EPS15: variants seen among roughly 807,000 people sequenced by gnomAD.
The protein encoded by EPS15 is epidermal growth factor receptor substrate 15.
A neutral mutation model predicts 113.8 loss-of-function variants in EPS15; 72 were observed. The ratio of observed to expected loss-of-function variants is 0.63; its 90% confidence interval spans 0.52 to 0.77. EPS15 has a LOEUF of 0.77. Ranked by LOEUF, EPS15 falls within the 30% of genes least tolerant of loss-of-function variation. The pLI is 0.00. For synonymous variants in EPS15, 344 were observed against 363.4 expected (o/e 0.95, Z 0.61); for missense variants, 1,048 against 1,045.8 (o/e 1.00, Z -0.03).
At chr1:51,448,313 GAA>G (rs892764535) in intron 8 of EPS15, among the ~76,000 whole-genome samples, 178 bp from the exon 9 acceptor site, 7 of 151,870 alleles carry the variant, frequency 4.6e-5, no homozygotes, top group Admixed American at 2.6e-4. Flanking sequence ...GAAAAAGAAA[GAA>G]ATAAAAACTA....
At chr1:51,446,445 C>T (rs1653052950) in intron 10 of EPS15, among the ~76,000 whole-genome samples, 1 of 149,670 alleles carries the variant, frequency 6.7e-6, no homozygotes, top group Non-Finnish European at 1.5e-5. Context: ...TTAACTGACA[C>T]TGTCATTCTT....
At chr1:51,453,416 T>C (rs1653734052) in intron 8 of EPS15, among the ~76,000 whole-genome samples, 1 of 152,320 alleles carries the variant, frequency 6.6e-6, no homozygotes, top group African/African-American at 2.4e-5. Context: ...GTGAACAGAA[T>C]ACTTTTAATA....
At chr1:51,456,385 G>A (rs920724068) in intron 8 of EPS15, among the ~76,000 whole-genome samples, 1 of 151,928 alleles carries the variant, frequency 6.6e-6, no homozygotes, top group African/African-American at 2.4e-5. Context: ...CAAACAAAAA[G>A]CATTTAACCC....
intron 1 of EPS15, among the ~76,000 whole-genome samples, chr1:51,492,464 G>A (rs1013877305): frequency 6.6e-6 from 1 of 151,998 alleles, no homozygotes; most frequent in Admixed American, 6.6e-5. Context: ...AAGAAGAAAG[G>A]GACTTTAGAA....
At chr1:51,388,295 A>C (rs568615140) in intron 21 of EPS15, among the ~76,000 whole-genome samples, 5 of 152,354 alleles carry the variant, frequency 3.3e-5, no homozygotes, top group African/African-American at 1.2e-4. Flanking sequence ...ACAACATACC[A>C]GAATCTCTGG....
chr1:51,498,034 T>C (rs1644355196), intron 1 of EPS15, among the ~76,000 whole-genome samples: 1 of 151,244 alleles, frequency 6.6e-6, no homozygotes, highest in African/African-American at 2.4e-5. Context: ...ATTCAAATAA[T>C]GACATACAGA....
At chr1:51,484,999 T>C (rs1644094501) in intron 1 of EPS15, among the ~76,000 whole-genome samples, 1 of 152,236 alleles carries the variant, frequency 6.6e-6, no homozygotes, top group Admixed American at 6.5e-5. Flanking sequence ...TATTATTTCA[T>C]AAGCCTTTTC....
At chr1:51,368,151 A>T (rs1284262464) in intron 21 of EPS15, among the ~76,000 whole-genome samples, 7 of 152,172 alleles carry the variant, frequency 4.6e-5, no homozygotes, top group African/African-American at 1.7e-4. Context: ...AAAATAAAAT[A>T]AAAAAAGAAA....
intron 21 of EPS15, chr1:51,382,545 A>T (rs554201794): frequency 5.3e-5 from 8 of 150,024 alleles, no homozygotes; most frequent in African/African-American, 2.0e-4. Flanking sequence ...CAGTCTCCTG[A>T]GTAGCTGGGA....
chr1:51,464,931 C>A lies in EPS15; in HGVS notation c.375+330G>T, dbSNP rs190190546. ...CATAAAGAATTGTTTGTTTTAGAGT[C>A]ATCTAGAAAATACATAGTTAACCAG... On this transcript the variant is annotated intron_variant, in intron 6 of 24. Coordinates refer to ENST00000371733, the MANE Select transcript of EPS15 (RefSeq NM_001981.3). 6.0e-4 allele frequency among the ~76,000 whole-genome samples: 91 copies of A among 152,284 alleles called. 1 individual carries two copies. The highest frequency in any genetic ancestry group is 2.0e-3 in the African/African-American group (83 of 41,566).
intron 21 of EPS15, among the ~76,000 whole-genome samples, chr1:51,375,981 A>T (rs1424445379): frequency 6.6e-6 from 1 of 152,390 alleles, no homozygotes; most frequent in East Asian, 1.9e-4. Flanking sequence ...AAGTTGCAGC[A>T]AGTTATCCAG....
rs368287079 is a variant in EPS15, at chr1:51,399,193, G to C, written c.1919-28C>G. 4.1e-5 allele frequency: 65 copies of C among 1,595,482 alleles called. 1 individual carries two copies. The highest frequency in any genetic ancestry group is 2.0e-4 in the Admixed American group (11 of 55,926). On this transcript the variant is annotated intron_variant, in intron 19 of 24. Transcript: ENST00000371733. ...AAAAAAATAAGGCACGAATATAAGA[G>C]ACAAAAAAAAATTATTGCACTAAAT...
chr1:51,449,438 A>C (rs1653349556), intron 8 of EPS15, among the ~76,000 whole-genome samples: 1 of 152,138 alleles, frequency 6.6e-6, no homozygotes, highest in African/African-American at 2.4e-5. Flanking sequence ...GGCCAATGTG[A>C]GGGTGGAGGG....
At chr1:51,488,058 ATTC>A (rs1054708674) in intron 1 of EPS15, among the ~76,000 whole-genome samples, 2 of 152,252 alleles carry the variant, frequency 1.3e-5, no homozygotes, top group African/African-American at 4.8e-5. Flanking sequence ...TGATTTTTAC[ATTC>A]TTCTTCATAC....
intron 12 of EPS15, chr1:51,423,530 C>A (rs72696107): frequency 0.022 from 22,148 of 985,304 alleles, 296 homozygotes; most frequent in African/African-American, 0.051. Context: ...ACCCTCCCCC[C>A]ATCCCAAATC....
chr1:51,476,874 T>G (rs1319018372), intron 2 of EPS15, among the ~76,000 whole-genome samples: 1 of 152,212 alleles, frequency 6.6e-6, no homozygotes, highest in African/African-American at 2.4e-5. Flanking sequence ...TATTGAGGAT[T>G]TTTGCATGGA....
At chr1:51,385,023 T>C (rs532661700) in intron 21 of EPS15, among the ~76,000 whole-genome samples, 1 of 152,312 alleles carries the variant, frequency 6.6e-6, no homozygotes, top group Non-Finnish European at 1.5e-5. Flanking sequence ...ATATTGGATT[T>C]AGCAACGCTT....
chr1:51,457,243 C>T (rs541378217), intron 8 of EPS15, among the ~76,000 whole-genome samples: 8 of 151,836 alleles, frequency 5.3e-5, no homozygotes, highest in African/African-American at 9.7e-5. Flanking sequence ...GCTGAGATCG[C>T]GCCACTGCAC....
At chr1:51,517,355 G>T (rs1644740706) in intron 1 of EPS15, among the ~76,000 whole-genome samples, 2 of 152,130 alleles carry the variant, frequency 1.3e-5, no homozygotes, top group South Asian at 4.1e-4. Flanking sequence ...TATAACCCAA[G>T]AACATATGTA....
Sources: allele counts gnomAD v4.1 joint callset (sites outside exome capture counted in the v4.1 genomes callset), GRCh38; gene constraint gnomAD v4.1.1; transcripts MANE v1.5; gene names NCBI Gene and HGNC (gene_info 2026-07-23, HGNC 2026-07-21).